HS3ST4: variants seen among roughly 807,000 people sequenced by gnomAD.
HS3ST4 encodes heparan sulfate-glucosamine 3-sulfotransferase 4.
HS3ST4 carries 17 observed loss-of-function variants against 29.2 expected under a neutral mutation model. The ratio of observed to expected loss-of-function variants is 0.58; its 90% CI spans 0.40 to 0.87. The LOEUF is 0.87. HS3ST4 is among the 40% of genes least tolerant of loss of function. The pLI is 0.00. For missense variants in HS3ST4, 627 were observed against 634.5 expected, an observed-to-expected ratio of 0.99 and a Z score of 0.13; for synonymous variants, 314 against 285.7, an observed-to-expected ratio of 1.10 and a Z score of -1.00.
chr16:25,792,721 T>A (rs199795439), intron 1 of HS3ST4, among the ~76,000 whole-genome samples: 3 of 89,758 alleles, frequency 3.3e-5, no homozygotes, highest in Non-Finnish European at 7.1e-5. Context: ...TGTTTATCAA[T>A]TTTTTTTTAG....
At chr16:25,873,419 C>A in intron 1 of HS3ST4, among the ~76,000 whole-genome samples, 1 of 148,908 alleles carries the variant, frequency 6.7e-6, no homozygotes, top group Non-Finnish European at 1.5e-5. Flanking sequence ...TCCATCCACC[C>A]ATCCATCCAT....
At chr16:25,831,254 A>G (rs1348902601) in intron 1 of HS3ST4, among the ~76,000 whole-genome samples, 2 of 152,146 alleles carry the variant, frequency 1.3e-5, no homozygotes, top group African/African-American at 4.8e-5. Context: ...AGTATCTGAA[A>G]TAATCACCCT....
At chr16:26,057,073 A>G (rs1191679563) in intron 1 of HS3ST4, among the ~76,000 whole-genome samples, 5 of 152,196 alleles carry the variant, frequency 3.3e-5, no homozygotes, top group African/African-American at 1.2e-4. Flanking sequence ...GGAAGTGCTC[A>G]TTAGAGCACT....
At chr16:26,074,685 C>T (rs1164919206) in intron 1 of HS3ST4, among the ~76,000 whole-genome samples, 1 of 152,104 alleles carries the variant, frequency 6.6e-6, no homozygotes, top group African/African-American at 2.4e-5. Flanking sequence ...TGTTTGGCAT[C>T]CATTCAAACA....
In HS3ST4 at chr16:25,736,631, T is replaced by C. The variant is rs1482385562; in HGVS notation, c.734+43480T>C. On this transcript the variant is annotated intron_variant, in intron 1 of 1. Coordinates refer to ENST00000331351, the MANE Select transcript of HS3ST4 (RefSeq NM_006040.3). The stretch of plus-strand genomic sequence containing the variant: ...TACTAAGACATTTATCTTCTATCAC[T>C]CTTGTGTATTCAATTATCAGAAAAA... Among the ~76,000 whole-genome samples the C allele has an allele frequency of 2.6e-5, 4 of 152,224 alleles. No individual in the cohort carries two copies. The East Asian group carries it at 7.7e-4, about 29-fold the overall frequency.
chr16:25,941,760 C>T (rs908714771), intron 1 of HS3ST4, among the ~76,000 whole-genome samples: 2 of 151,756 alleles, frequency 1.3e-5, no homozygotes, highest in Non-Finnish European at 2.9e-5. Flanking sequence ...GTATTTTTAG[C>T]AGAGATGGCA....
At chr16:25,892,486 C>T (rs764600198) in intron 1 of HS3ST4, among the ~76,000 whole-genome samples, 5 of 152,282 alleles carry the variant, frequency 3.3e-5, no homozygotes, top group Middle Eastern at 3.4e-3. Flanking sequence ...CAGCAGCCTA[C>T]GCCATTGTGA....
At chr16:25,755,068 C>A (rs369481928) in intron 1 of HS3ST4, among the ~76,000 whole-genome samples, 4 of 152,174 alleles carry the variant, frequency 2.6e-5, no homozygotes. Flanking sequence ...ACTCAGCCTA[C>A]TATCCATCCA....
chr16:25,965,920 C>A (rs1048144294), intron 1 of HS3ST4, among the ~76,000 whole-genome samples: 1 of 152,166 alleles, frequency 6.6e-6, no homozygotes, highest in Non-Finnish European at 1.5e-5. Flanking sequence ...CTCAAGTGAT[C>A]CTCCCACCTG....
intron 1 of HS3ST4, among the ~76,000 whole-genome samples, chr16:25,921,711 CTACCCTGGG>C (rs1466644385): frequency 6.6e-6 from 1 of 151,940 alleles, no homozygotes; most frequent in African/African-American, 2.4e-5. Flanking sequence ...TTTGCTCTCA[CTACCCTGGG>C]TACCATTGAT....
chr16:25,692,834 G>C lies in HS3ST4; in HGVS notation c.417G>C (p.Trp139Cys), dbSNP rs1185780194. Residue 139 changes from tryptophan (W) to cysteine (C), a missense_variant, in exon 1 of 2, where the codon TGG (tryptophan) becomes TGC (cysteine). Trp to Cys is a radical substitution (Grantham distance 215). This residue lies in a region of HS3ST4 where 402 missense variants were observed against 340.8 expected (regional missense o/e 1.18). Transcript: ENST00000331351. ...PSGGGGAQDA[W>C]LRTPLAPSEM... is the part of the protein sequence containing the mutation. Reference sequence around the variant, plus strand: ...GCGGCGGAGGCGCCCAGGACGCCTGGCTCCGGACCCCGCTGGCCCCCAGCG... The same window carrying C: ...GCGGCGGAGGCGCCCAGGACGCCTGCCTCCGGACCCCGCTGGCCCCCAGCG... 10 of 1,408,424 alleles carry C rather than the reference G, an allele frequency of 7.1e-6. No homozygotes were observed. Among genetic ancestry groups the C allele is most frequent in the African/African-American group, 1.5e-5 (1 of 66,032 alleles). The allele number at this position is 1,408,424 out of a possible 1,614,324, so 87.2% of individuals were successfully genotyped here.
At chr16:26,084,356 G>A (rs13339514) in intron 1 of HS3ST4, among the ~76,000 whole-genome samples, 5,882 of 152,194 alleles carry the variant, frequency 0.039, 366 homozygotes, top group African/African-American at 0.13. Context: ...TCTCAACACC[G>A]TCAGGGTCTG....
intron 1 of HS3ST4, among the ~76,000 whole-genome samples, chr16:25,823,413 G>C (rs573114248): frequency 6.6e-6 from 1 of 152,074 alleles, no homozygotes; most frequent in Non-Finnish European, 1.5e-5. Context: ...AGCACCCCCA[G>C]GTAAAAGGAA....
At chr16:25,769,707 T>C (rs1966839551) in intron 1 of HS3ST4, among the ~76,000 whole-genome samples, 1 of 152,198 alleles carries the variant, frequency 6.6e-6, no homozygotes, top group South Asian at 2.1e-4. Flanking sequence ...GTACAGGCTG[T>C]ATTATATTCA....
At chr16:25,898,081 G>T (rs1038576404) in intron 1 of HS3ST4, among the ~76,000 whole-genome samples, 3 of 152,176 alleles carry the variant, frequency 2.0e-5, no homozygotes, top group Admixed American at 6.5e-5. Flanking sequence ...AGGGAAAGGA[G>T]GAATTCACCC....
intron 1 of HS3ST4, among the ~76,000 whole-genome samples, chr16:26,021,219 AGTTT>A (rs976532786): frequency 6.6e-6 from 1 of 152,122 alleles, no homozygotes; most frequent in Non-Finnish European, 1.5e-5. Context: ...TTTAAAAAGG[AGTTT>A]GTTGTCAATT....
chr16:25,978,706 A>G (rs373500994), intron 1 of HS3ST4, among the ~76,000 whole-genome samples: 3 of 152,250 alleles, frequency 2.0e-5, no homozygotes, highest in Admixed American at 2.0e-4. Context: ...ATTCAGATTG[A>G]CACAGCCACC....
chr16:25,820,327 G>A (rs1450634772), intron 1 of HS3ST4, among the ~76,000 whole-genome samples: 2 of 152,170 alleles, frequency 1.3e-5, no homozygotes, highest in African/African-American at 4.8e-5. Context: ...CACAGCTGAA[G>A]GAACTTGGGC....
chr16:26,055,168 C>T (rs4384607), intron 1 of HS3ST4, among the ~76,000 whole-genome samples: 82,030 of 151,212 alleles, frequency 0.54, 22,815 homozygotes, highest in South Asian at 0.74. Flanking sequence ...GGGTCAGGGC[C>T]CTCAGCAGGG....
Sources: allele counts gnomAD v4.1 joint callset (sites outside exome capture counted in the v4.1 genomes callset), GRCh38; gene constraint gnomAD v4.1.1; regional missense constraint gnomAD v4.1.1; transcripts MANE v1.5; gene names NCBI Gene and HGNC (gene_info 2026-07-23, HGNC 2026-07-21).